The following COPG2 variants were observed in gnomAD, a reference collection of about 807,000 sequenced individuals.
The protein encoded by COPG2 is coatomer subunit gamma-2.
COPG2 carries 37 observed loss-of-function variants against 46.3 expected under a neutral mutation model. The ratio of observed to expected loss-of-function variants is 0.80; its 90% confidence interval spans 0.61 to 1.05. The LOEUF is 1.05. COPG2 is among the 50% of genes least tolerant of loss of function. COPG2 has a pLI of 0.00. For synonymous variants in COPG2, 159 were observed against 129.7 expected, an observed-to-expected ratio of 1.23 and a Z score of -1.53; for missense variants, 427 against 387.8, an observed-to-expected ratio of 1.10 and a Z score of -0.85.
intron 20 of COPG2, among the ~76,000 whole-genome samples, chr7:130,536,666 G>A (rs1799882992): frequency 1.3e-5 from 2 of 152,166 alleles, no homozygotes; most frequent in Admixed American, 1.3e-4. Context: ...GCTGATGGAG[G>A]CATCAGGGTC....
chr7:130,585,461 A>G (rs1241577833), intron 9 of COPG2, among the ~76,000 whole-genome samples: 1 of 152,046 alleles, frequency 6.6e-6, no homozygotes, highest in African/African-American at 2.4e-5. Flanking sequence ...ACAGAGATTA[A>G]ATAGTTGGGA....
At chr7:130,587,749 T>C (rs1328962379) in intron 9 of COPG2, among the ~76,000 whole-genome samples, 17 of 152,080 alleles carry the variant, frequency 1.1e-4, no homozygotes, top group East Asian at 3.9e-4. Context: ...ACTTCATGTC[T>C]AAAACACCAA....
chr7:130,520,235 G>GTA (rs1348494696), intron 20 of COPG2, among the ~76,000 whole-genome samples: 49 of 152,162 alleles, frequency 3.2e-4, no homozygotes, highest in Non-Finnish European at 5.3e-4. Context: ...GGACATAGCA[G>GTA]TAAGTATGAT....
At chr7:130,546,614 G>A (rs1793447957) in intron 20 of COPG2, among the ~76,000 whole-genome samples, 1 of 152,184 alleles carries the variant, frequency 6.6e-6, no homozygotes, top group Non-Finnish European at 1.5e-5. Context: ...CAGCAGTGGT[G>A]CCAACGTGAA....
intron 20 of COPG2, among the ~76,000 whole-genome samples, chr7:130,544,233 A>G (rs1481038702): frequency 5.9e-5 from 9 of 152,234 alleles, no homozygotes; most frequent in Non-Finnish European, 1.0e-4. Context: ...GGCAAATCTT[A>G]CTTAACTGAA....
chr7:130,564,987 T>C (rs974128597), intron 9 of COPG2, among the ~76,000 whole-genome samples: 36 of 152,214 alleles, frequency 2.4e-4, no homozygotes, highest in African/African-American at 8.4e-4. Flanking sequence ...AAGCAGCAAT[T>C]TTAGCAGGGG....
intron 21 of COPG2, 128 bp from the exon 22 acceptor site, chr7:130,507,951 G>A (rs1799528568): frequency 3.1e-6 from 2 of 654,340 alleles, no homozygotes; most frequent in East Asian, 2.5e-5. Flanking sequence ...AAGTTCTGTA[G>A]TCTGGATAAA....
chr7:130,609,181 C>A (rs1465273135), intron 9 of COPG2, among the ~76,000 whole-genome samples: 1 of 151,996 alleles, frequency 6.6e-6, no homozygotes, highest in East Asian at 1.9e-4. Flanking sequence ...GCACCCAGCC[C>A]CTTTCATTCA....
At chr7:130,625,838 T>A (rs1319776310) in intron 5 of COPG2, among the ~76,000 whole-genome samples, 1 of 152,192 alleles carries the variant, frequency 6.6e-6, no homozygotes, top group Non-Finnish European at 1.5e-5. Flanking sequence ...ATTACTTTGT[T>A]GTTCTTTACC....
chr7:130,587,050 TA>T (rs1794288864), intron 9 of COPG2, among the ~76,000 whole-genome samples: 1 of 151,974 alleles, frequency 6.6e-6, no homozygotes, highest in African/African-American at 2.4e-5. Context: ...CTCACGCTTG[TA>T]ATCCTAGCAC....
At chr7:130,606,012 T>C (rs567328570) in intron 9 of COPG2, among the ~76,000 whole-genome samples, 1 of 152,058 alleles carries the variant, frequency 6.6e-6, no homozygotes, top group Non-Finnish European at 1.5e-5. Context: ...TTGAGGAGCA[T>C]GATGGAGGAA....
chr7:130,600,853 ATCCACTTCTACAAT>A, intron 9 of COPG2, among the ~76,000 whole-genome samples: 1 of 152,230 alleles, frequency 6.6e-6, no homozygotes, highest in Non-Finnish European at 1.5e-5. Flanking sequence ...CCCCCAAAAT[ATCCACTTCTACAAT>A]TCCACATCCT....
chr7:130,610,108 C>T (rs1554451814), intron 9 of COPG2: 1 of 519,476 alleles, frequency 1.9e-6, no homozygotes, highest in African/African-American at 1.9e-5. Context: ...GGTTACATGT[C>T]ACTGCCTCTG....
At chr7:130,664,762 T>C (rs1376089022) in intron 3 of COPG2, among the ~76,000 whole-genome samples, 1 of 152,264 alleles carries the variant, frequency 6.6e-6, no homozygotes, top group South Asian at 2.1e-4. Context: ...TACAATGGAT[T>C]TGGCCAACTT....
intron 1 of COPG2, among the ~76,000 whole-genome samples, chr7:130,667,741 G>A (rs894083720): frequency 8.5e-5 from 13 of 152,164 alleles, no homozygotes; most frequent in African/African-American, 2.9e-4. Context: ...CTTCTCTTTC[G>A]CAGCAACCCT....
chr7:130,509,681 G>T lies in COPG2; in HGVS notation c.2150-1022C>A, dbSNP rs781908290. Reference sequence around the variant, plus strand: ...TATAAGCTTATGTGCCAGACACTTGGATAAAAAGATGACTGAGACATGATC... The same window carrying T: ...TATAAGCTTATGTGCCAGACACTTGTATAAAAAGATGACTGAGACATGATC... On this transcript the variant is annotated intron_variant, in intron 20 of 23. Coordinates refer to ENST00000425248, the MANE Select transcript of COPG2 (RefSeq NM_012133.6). 4 of 519,366 alleles carry T rather than the reference G, an allele frequency of 7.7e-6. No homozygotes were observed. In the East Asian group the frequency reaches 1.6e-4, roughly 21 times the overall value. The allele number at this position is 519,366 out of a possible 1,614,324, so 32.2% of individuals were successfully genotyped here. A position where few individuals can be genotyped will look rare whatever the true frequency, so the allele number is the denominator to read the frequency against.
chr7:130,573,527 T>C (rs2116421346), intron 9 of COPG2, among the ~76,000 whole-genome samples: 1 of 152,114 alleles, frequency 6.6e-6, no homozygotes, highest in Admixed American at 6.5e-5. Context: ...AACGTAAAAG[T>C]GGTTTAACAC....
At chr7:130,539,449 G>T (rs1482075444) in intron 20 of COPG2, among the ~76,000 whole-genome samples, 5 of 152,204 alleles carry the variant, frequency 3.3e-5, no homozygotes, top group Non-Finnish European at 7.3e-5. Context: ...ACAGAAAACA[G>T]TTCTTGAAGA....
chr7:130,646,686 C>A (rs1311882348), intron 5 of COPG2, among the ~76,000 whole-genome samples: 2 of 151,700 alleles, frequency 1.3e-5, no homozygotes, highest in African/African-American at 2.4e-5. Flanking sequence ...ATCATGGGGG[C>A]AGTTTCTCCC....
Sources: allele counts gnomAD v4.1 joint callset (sites outside exome capture counted in the v4.1 genomes callset), GRCh38; gene constraint gnomAD v4.1.1; transcripts MANE v1.5; gene names NCBI Gene and HGNC (gene_info 2026-07-23, HGNC 2026-07-21).